Variants in NRDC observed in about 807,000 individuals in gnomAD.
The protein encoded by NRDC is nardilysin convertase.
A neutral mutation model predicts 147.1 loss-of-function variants in NRDC; 54 were observed. The ratio of observed to expected loss-of-function variants is 0.37; its 90% CI spans 0.29 to 0.46. The LOEUF is 0.46. Among genes scored for constraint, NRDC ranks in the 20% least tolerant of loss-of-function variants. The pLI is 1.00. For synonymous variants in NRDC, 440 were observed against 482.1 expected (o/e 0.91, Z 1.14); for missense variants, 1,082 against 1,370.6 (o/e 0.79, Z 3.33).
intron 3 of NRDC, among the ~76,000 whole-genome samples, chr1:51,835,363 G>A (rs563543900): frequency 2.1e-4 from 32 of 151,340 alleles, no homozygotes; most frequent in Admixed American, 6.6e-4. Flanking sequence ...GCCCGGCCCC[G>A]TGTAAGTTTT....
At position 51,805,501 on chromosome 1, in the gene NRDC, A is replaced by G; in HGVS notation, c.2162+9T>C. 1 of 1,571,582 alleles carries G rather than the reference A, an allele frequency of 6.4e-7. No individual in the cohort carries two copies. The highest frequency in any genetic ancestry group is 8.6e-7 in the Non-Finnish European group (1 of 1,162,806). On this transcript the variant is annotated intron_variant, in intron 19 of 30. Transcript: ENST00000352171. ...AATGTATTTTCCAGAAAAAAAGACA[A>G]TTGCTTACTTTGCTGCAGATTTCTG... is the stretch of plus-strand genomic sequence containing the variant.
At chr1:51,797,401 CTA>C (rs1369467477) in intron 22 of NRDC, among the ~76,000 whole-genome samples, 3 of 152,160 alleles carry the variant, frequency 2.0e-5, no homozygotes, top group African/African-American at 7.2e-5. Context: ...TAGATAACTC[CTA>C]TGAGTGGAAT....
intron 4 of NRDC, among the ~76,000 whole-genome samples, chr1:51,830,642 T>C (rs1490142303): frequency 6.6e-6 from 1 of 152,216 alleles, no homozygotes; most frequent in Non-Finnish European, 1.5e-5. Context: ...AAGTGAAGAT[T>C]TTGTATTCCC....
At chr1:51,876,296 C>T (rs1030578201) in intron 1 of NRDC, among the ~76,000 whole-genome samples, 3 of 152,066 alleles carry the variant, frequency 2.0e-5, no homozygotes, top group East Asian at 1.9e-4. Flanking sequence ...CCGAAACACT[C>T]GGGACCAAAA....
At chr1:51,812,584 A>G (rs1405856787) in intron 14 of NRDC, among the ~76,000 whole-genome samples, 1 of 151,940 alleles carries the variant, frequency 6.6e-6, no homozygotes, top group African/African-American at 2.4e-5. Context: ...GGGAGCTTAA[A>G]CTCATACCCT....
chr1:51,814,415 T>C (rs1679865913), intron 13 of NRDC, 136 bp downstream of exon 13: 1 of 745,602 alleles, frequency 1.3e-6, no homozygotes, highest in East Asian at 2.6e-5. Context: ...GATAAGGATA[T>C]GGAGTCAATA....
At chr1:51,833,039 G>A (rs1269710447) in intron 4 of NRDC, among the ~76,000 whole-genome samples, 17 of 152,134 alleles carry the variant, frequency 1.1e-4, no homozygotes, top group Admixed American at 9.8e-4. Flanking sequence ...CAATATGATC[G>A]GTATACTTTA....
chr1:51,789,607 C>T lies in NRDC; in HGVS notation c.3219G>A (p.Lys1073=). ...FSKSDLVNWF[K]AHRGPGSKML... ...TTTTACTTCCTGGCCCTCTATGGGC[C>T]TTGAACCAGTTGACCAGGTCTGATT... Residue 1073 remains lysine, a synonymous_variant, in exon 30 of 31, where the codon AAG becomes AAA. Coordinates refer to ENST00000352171, the MANE Select transcript of NRDC (RefSeq NM_001101662.2). 6.2e-7 allele frequency: 1 copy of T among 1,614,062 alleles called. No homozygotes were observed. Among genetic ancestry groups the T allele is most frequent in the South Asian group, 1.1e-5 (1 of 91,080 alleles).
intron 1 of NRDC, among the ~76,000 whole-genome samples, chr1:51,841,162 G>A (rs1681247585): frequency 6.6e-6 from 1 of 152,122 alleles, no homozygotes; most frequent in African/African-American, 2.4e-5. Flanking sequence ...AAACTCTTGG[G>A]CTCAAGCAGC....
chr1:51,832,348 A>G (rs1680755327), intron 4 of NRDC, among the ~76,000 whole-genome samples: 2 of 152,158 alleles, frequency 1.3e-5, no homozygotes, highest in African/African-American at 4.8e-5. Context: ...CACCAGGCCA[A>G]TTTTTAAAAA....
intron 6 of NRDC, 88 bp downstream of exon 6, chr1:51,825,199 C>A: frequency 1.1e-6 from 1 of 921,748 alleles, no homozygotes; most frequent in Non-Finnish European, 1.7e-6. Context: ...GGGACTCTAG[C>A]TTTATAATTT....
At chr1:51,792,511 G>A in intron 24 of NRDC, 87 bp from the exon 25 acceptor site, 6 of 1,176,074 alleles carry the variant, frequency 5.1e-6, no homozygotes, top group Non-Finnish European at 6.4e-6. Flanking sequence ...CAACCACTTA[G>A]GTATCACCAC....
chr1:51,797,513 T>G (rs908592464), intron 22 of NRDC, among the ~76,000 whole-genome samples: 4 of 152,198 alleles, frequency 2.6e-5, no homozygotes, highest in African/African-American at 9.7e-5. Context: ...TTCTACAGGA[T>G]AAAGCCCAGC....
chr1:51,808,042 G>A (rs1336258624), intron 17 of NRDC, among the ~76,000 whole-genome samples: 1 of 152,140 alleles, frequency 6.6e-6, no homozygotes, highest in African/African-American at 2.4e-5. Flanking sequence ...CTGACCTCAG[G>A]TGATGTGCCT....
Position 51,800,685 on chromosome 1 carries a change from T to TA in NRDC, c.2314-3dup. 6.2e-7 allele frequency: 1 copy of TA among 1,608,938 alleles called. No individual in the cohort carries two copies. Among genetic ancestry groups the TA allele is most frequent in the Non-Finnish European group, 8.5e-7 (1 of 1,178,392 alleles). ...GTCAATAATGAGCTGAAACAGTAGC[T>TA]AAAAGAAAAAGAAGGAAGCATTTTA... is the stretch of plus-strand genomic sequence containing the variant. On this transcript the variant is annotated splice_region_variant and splice_polypyrimidine_tract_variant and intron_variant, in intron 20 of 30. Coordinates refer to ENST00000352171, the MANE Select transcript of NRDC (RefSeq NM_001101662.2).
chr1:51,849,713 G>A lies in NRDC; in HGVS notation c.342-9199C>T, dbSNP rs141301769. On this transcript the variant is annotated intron_variant, in intron 1 of 30. Coordinates refer to ENST00000352171, the MANE Select transcript of NRDC (RefSeq NM_001101662.2). Reference sequence around the variant, plus strand: ...CACCTGTAGTCCCAGCTACCCGGGAGGCTGAGGCAGGAGAATGGTGTGAAC... The same window carrying A: ...CACCTGTAGTCCCAGCTACCCGGGAAGCTGAGGCAGGAGAATGGTGTGAAC... Among the ~76,000 whole-genome samples the A allele has an allele frequency of 8.7e-3, 1,315 of 151,602 alleles. 10 individuals are homozygous for A. The highest frequency in any genetic ancestry group is 0.013 in the Non-Finnish European group (863 of 68,000).
In NRDC at chr1:51,809,599, C is replaced by CA. The variant is rs1679620087; in HGVS notation, c.1904-199dup. On this transcript the variant is annotated intron_variant, in intron 16 of 30. Transcript: ENST00000352171. The stretch of plus-strand genomic sequence containing the variant: ...GCACTGGCATCACCTGGGAGATTGT[C>CA]AGAAATGCAGAATCTGGCCAGGCAC... 4.6e-5 allele frequency among the ~76,000 whole-genome samples: 7 copies of CA among 152,232 alleles called. No individual in the cohort carries two copies. In the South Asian group the frequency reaches 1.5e-3, roughly 32 times the overall value.
chr1:51,837,804 G>A (rs1200347630), intron 2 of NRDC, among the ~76,000 whole-genome samples: 1 of 152,130 alleles, frequency 6.6e-6, no homozygotes, highest in East Asian at 1.9e-4. Flanking sequence ...TTGGGAGGAG[G>A]AAAACGGAGA....
chr1:51,790,165 A>T (rs1384035796), intron 29 of NRDC, among the ~76,000 whole-genome samples: 3 of 152,244 alleles, frequency 2.0e-5, no homozygotes, highest in Non-Finnish European at 4.4e-5. Context: ...ACTACTTTGG[A>T]ATAGAAGTTG....
Sources: allele counts gnomAD v4.1 joint callset (sites outside exome capture counted in the v4.1 genomes callset), GRCh38; gene constraint gnomAD v4.1.1; transcripts MANE v1.5; gene names NCBI Gene and HGNC (gene_info 2026-07-23, HGNC 2026-07-21).